MIPOL1: variants seen among roughly 807,000 people sequenced by gnomAD.
MIPOL1 encodes mirror-image polydactyly gene 1 protein.
Under a neutral mutation model 60.9 loss-of-function variants are expected in MIPOL1, and 57 were observed. The ratio of observed to expected loss-of-function variants is 0.94; its 90% CI spans 0.76 to 1.17. MIPOL1 has a LOEUF of 1.17. MIPOL1 is among the 50% of genes most tolerant of loss of function. The pLI, the probability that MIPOL1 is intolerant of heterozygous loss-of-function variation, is 0.00. For synonymous variants in MIPOL1, 179 were observed against 168.8 expected (o/e 1.06, Z -0.47); for missense variants, 551 against 511.6 (o/e 1.08, Z -0.74).
At chr14:37,383,523 T>C (rs1447409646) in intron 10 of MIPOL1, among the ~76,000 whole-genome samples, 2 of 151,918 alleles carry the variant, frequency 1.3e-5, no homozygotes, top group Non-Finnish European at 2.9e-5. Flanking sequence ...TGCTCCGTTA[T>C]ATGATGGTCA....
chr14:37,455,673 C>T (rs915235796), intron 11 of MIPOL1, among the ~76,000 whole-genome samples: 1 of 152,090 alleles, frequency 6.6e-6, no homozygotes, highest in Non-Finnish European at 1.5e-5. Flanking sequence ...AGGTGTGCTG[C>T]TTCTCTGCTC....
chr14:37,457,971 T>C (rs2094495598), intron 11 of MIPOL1, among the ~76,000 whole-genome samples: 1 of 151,624 alleles, frequency 6.6e-6, no homozygotes, highest in South Asian at 2.1e-4. Context: ...ACTCATACAC[T>C]CAGACATGGG....
chr14:37,500,138 AG>A lies in MIPOL1; in HGVS notation c.1262+1del. 1 of 1,588,670 alleles carries A rather than the reference AG, an allele frequency of 6.3e-7. No homozygotes were observed. The highest frequency in any genetic ancestry group is 8.6e-7 in the Non-Finnish European group (1 of 1,163,066). Reference sequence around the variant, plus strand: ...CAAGTGGCCAATGAAAAAGTTCAAAAGTAAGTTAAATGATCTTGTAATAATA... The same window carrying A: ...CAAGTGGCCAATGAAAAAGTTCAAAATAAGTTAAATGATCTTGTAATAATA... On this transcript the variant is annotated splice_donor_variant, in intron 12 of 12. Transcript: ENST00000684589. LOFTEE classifies it high-confidence loss of function.
chr14:37,278,498 G>T (rs1476350859), intron 6 of MIPOL1: 1 of 151,418 alleles, frequency 6.6e-6, no homozygotes. Flanking sequence ...AGTAAAGTCT[G>T]GTCTTTTACA....
In MIPOL1 at chr14:37,547,894, A is replaced by G. The variant is rs1232985332; in HGVS notation, c.*923A>G. The G allele has an allele frequency of 2.6e-5, 4 of 152,046 alleles. No individual in the cohort carries two copies. Among genetic ancestry groups the G allele is most frequent in the South Asian group, 2.1e-4 (1 of 4,832 alleles). 9.4% of individuals were successfully genotyped at this position (152,046 alleles called of 1,614,324 possible). A position where few individuals can be genotyped will look rare whatever the true frequency, so the allele number is the denominator to read the frequency against. On this transcript the variant is annotated 3_prime_UTR_variant, in exon 13 of 13. Coordinates refer to ENST00000684589, the MANE Select transcript of MIPOL1 (RefSeq NM_001388067.1). The stretch of plus-strand genomic sequence containing the variant: ...TTCAATACAATTGTAATGTAGAAAT[A>G]TAAGAATTTAGAAAAAAGTAAACTT...
intron 9 of MIPOL1, among the ~76,000 whole-genome samples, chr14:37,351,008 C>A (rs573826090): frequency 6.7e-6 from 1 of 149,736 alleles, no homozygotes; most frequent in Non-Finnish European, 1.5e-5. Context: ...ACTGCACCCA[C>A]TAACTCATCA....
intron 7 of MIPOL1, among the ~76,000 whole-genome samples, chr14:37,300,218 A>G (rs1462009420): frequency 6.7e-6 from 1 of 150,114 alleles, no homozygotes; most frequent in African/African-American, 2.4e-5. Flanking sequence ...TACAGTCCAT[A>G]CTAAAGAATG....
chr14:37,468,263 T>A (rs1049093451), intron 11 of MIPOL1, among the ~76,000 whole-genome samples: 1 of 152,112 alleles, frequency 6.6e-6, no homozygotes, highest in Non-Finnish European at 1.5e-5. Context: ...CACAAGTAAA[T>A]GTTTACTTAA....
intron 12 of MIPOL1, among the ~76,000 whole-genome samples, chr14:37,538,820 G>A (rs945468508): frequency 6.6e-6 from 1 of 152,170 alleles, no homozygotes; most frequent in African/African-American, 2.4e-5. Flanking sequence ...CATCAAGAGA[G>A]AGTCCTAGCC....
chr14:37,476,292 G>C (rs573466652), intron 11 of MIPOL1, among the ~76,000 whole-genome samples: 6 of 152,048 alleles, frequency 3.9e-5, no homozygotes, highest in African/African-American at 1.4e-4. Flanking sequence ...TTATTTGTTT[G>C]TTTGGTTGGT....
At chr14:37,502,252 C>T (rs887210771) in intron 12 of MIPOL1, 1 of 152,318 alleles carries the variant, frequency 6.6e-6, no homozygotes, top group Non-Finnish European at 1.5e-5. Flanking sequence ...GTGGTTATCT[C>T]AGCATGGCAT....
At chr14:37,508,855 C>A (rs1328950402) in intron 12 of MIPOL1, among the ~76,000 whole-genome samples, 1 of 152,038 alleles carries the variant, frequency 6.6e-6, no homozygotes, top group Non-Finnish European at 1.5e-5. Context: ...TAGCAAGCAT[C>A]CAATCACAAA....
At position 37,547,085 on chromosome 14, in the gene MIPOL1, C is replaced by T. The variant is rs2095550390; in HGVS notation, c.*114C>T. On this transcript the variant is annotated 3_prime_UTR_variant, in exon 13 of 13. Transcript: ENST00000684589. ...TAGCAAACAGTTGTTAGAAGTGGGA[C>T]ACTCCAACCACATTCCAAGCTGAGA... The T allele has an allele frequency of 2.6e-6, 2 of 765,514 alleles. No individual in the cohort carries two copies. The highest frequency in any genetic ancestry group is 3.5e-5 in the African/African-American group (2 of 57,290). 47.4% of individuals were successfully genotyped at this position (765,514 alleles called of 1,614,324 possible).
chr14:37,353,216 T>C (rs1457732902), intron 9 of MIPOL1, among the ~76,000 whole-genome samples: 1 of 146,212 alleles, frequency 6.8e-6, no homozygotes. Flanking sequence ...ATTTATTGAT[T>C]TGTGTATATT....
chr14:37,539,717 G>A (rs906212505), intron 12 of MIPOL1, among the ~76,000 whole-genome samples: 1 of 152,178 alleles, frequency 6.6e-6, no homozygotes, highest in Non-Finnish European at 1.5e-5. Flanking sequence ...GTAGGGTAAT[G>A]ATTTAAAGGG....
chr14:37,312,108 A>T (rs574696933), intron 9 of MIPOL1, among the ~76,000 whole-genome samples: 12 of 152,192 alleles, frequency 7.9e-5, no homozygotes, highest in African/African-American at 2.9e-4. Context: ...TAATTTAATT[A>T]ACTTTTTACT....
intron 1 of MIPOL1, among the ~76,000 whole-genome samples, chr14:37,222,428 T>C (rs1012789328): frequency 6.6e-6 from 1 of 151,396 alleles, no homozygotes; most frequent in African/African-American, 2.4e-5. Flanking sequence ...GTTATAGCTC[T>C]CTATGTTGCC....
intron 6 of MIPOL1, among the ~76,000 whole-genome samples, chr14:37,283,259 G>GT (rs2084275913): frequency 6.6e-6 from 1 of 152,040 alleles, no homozygotes; most frequent in South Asian, 2.1e-4. Context: ...TAGAGATGGG[G>GT]TTTTGCCATG....
chr14:37,321,080 C>T (rs2088530986), intron 9 of MIPOL1, among the ~76,000 whole-genome samples: 1 of 151,938 alleles, frequency 6.6e-6, no homozygotes, highest in African/African-American at 2.4e-5. Flanking sequence ...ATTCTCAGTT[C>T]TTCATTCAGC....
Sources: gnomAD v4.1 joint callset for allele counts (sites outside exome capture counted in the v4.1 genomes callset) on GRCh38, gnomAD v4.1.1 for gene constraint, MANE v1.5 for transcripts, NCBI Gene and HGNC (gene_info 2026-07-23, HGNC 2026-07-21) for gene names.